NUS1: variants seen among roughly 807,000 people sequenced by gnomAD.
The protein encoded by NUS1 is NUS1 dehydrodolichyl diphosphate synthase subunit.
For synonymous variants in NUS1, 135 were observed against 155.2 expected (o/e 0.87, Z 0.97); for missense variants, 292 against 382.9 (o/e 0.76, Z 1.98).
At chr6:117,693,968 C>G (rs920245948) in intron 2 of NUS1, 63 bp from the exon 3 acceptor site, 61 of 1,538,206 alleles carry the variant, frequency 4.0e-5, no homozygotes, top group Non-Finnish European at 4.3e-5. Flanking sequence ...TTTCTTAAAA[C>G]TGCTTTTGAA....
intron 1 of NUS1, among the ~76,000 whole-genome samples, chr6:117,690,429 A>G (rs985428783): frequency 2.8e-4 from 42 of 152,120 alleles, no homozygotes; most frequent in African/African-American, 7.7e-4. Context: ...ATATATATCT[A>G]TGTCTCAGTT....
rs1297898753 is a variant in NUS1, at chr6:117,710,058, A to G, written c.*3043A>G. 2 of 152,166 alleles carry G rather than the reference A, an allele frequency of 1.3e-5. No individual in the cohort carries two copies. Among genetic ancestry groups the G allele is most frequent in the African/African-American group, 4.8e-5 (2 of 41,466 alleles). 9.4% of individuals were successfully genotyped at this position (152,166 alleles called of 1,614,324 possible). ...ATTGCTGGAGTTGTCAAAATTCCAC[A>G]GTAATTAAAATTTGAATTTTTACCG... On this transcript the variant is annotated 3_prime_UTR_variant, in exon 5 of 5. Coordinates refer to ENST00000368494, the MANE Select transcript of NUS1 (RefSeq NM_138459.5).
chr6:117,703,402 T>C (rs761883911), intron 3 of NUS1, among the ~76,000 whole-genome samples: 1 of 152,136 alleles, frequency 6.6e-6, no homozygotes, highest in South Asian at 2.1e-4. Context: ...ACTTCCACAT[T>C]TGGAATGAGC....
Position 117,703,719 on chromosome 6 carries a change from G to A in NUS1, c.791+15G>A, listed in dbSNP as rs1418340792. On this transcript the variant is annotated intron_variant, in intron 4 of 4. Coordinates refer to ENST00000368494, the MANE Select transcript of NUS1 (RefSeq NM_138459.5). ...ACTGAGATTGTGTAAGTAATTAAAA[G>A]CGTACTGACTTTGTTTAGATTCAGC... 17 of 1,559,484 alleles carry A rather than the reference G, an allele frequency of 1.1e-5. No homozygotes were observed. The highest frequency in any genetic ancestry group is 1.4e-5 in the Non-Finnish European group (16 of 1,130,192).
Position 117,675,887 on chromosome 6 carries a change from C to G in NUS1, c.217C>G (p.Arg73Gly). Reference protein sequence around the residue: ...GRNRRHHRHPRGGSCLAAAHH... With the variant: ...GRNRRHHRHPGGGSCLAAAHH... ...GAACCGCCGTCACCACCGGCACCCG[C>G]GCGGGGGGTCGTGCCTGGCAGCCGC... The change falls in exon 1 of 5, where the codon CGC becomes GGC. Residue 73 changes from arginine to glycine, a missense_variant. Physicochemically the swap from Arg to Gly is moderately radical, Grantham distance 125 (BLOSUM62 -2). Transcript: ENST00000368494. 1 of 1,535,006 alleles carries G rather than the reference C, an allele frequency of 6.5e-7. No homozygotes were observed. The highest frequency in any genetic ancestry group is 8.8e-7 in the Non-Finnish European group (1 of 1,139,844).
At chr6:117,686,378 G>C (rs1389049409) in intron 1 of NUS1, among the ~76,000 whole-genome samples, 2 of 152,092 alleles carry the variant, frequency 1.3e-5, no homozygotes, top group East Asian at 3.8e-4. Flanking sequence ...TAGTTGTATA[G>C]TGGAGTTTAG....
intron 1 of NUS1, among the ~76,000 whole-genome samples, chr6:117,681,879 C>T (rs1050850480): frequency 1.3e-5 from 2 of 152,232 alleles, no homozygotes; most frequent in African/African-American, 4.8e-5. Flanking sequence ...GTCGCCCAGG[C>T]TGGAGTGCAG....
intron 3 of NUS1, among the ~76,000 whole-genome samples, chr6:117,700,412 G>T (rs2114691848): frequency 6.6e-6 from 1 of 152,286 alleles, no homozygotes; most frequent in East Asian, 1.9e-4. Flanking sequence ...CTGATCATTG[G>T]AGAAATACAA....
chr6:117,689,596 T>C (rs1487135790), intron 1 of NUS1, among the ~76,000 whole-genome samples: 2 of 152,078 alleles, frequency 1.3e-5, no homozygotes, highest in African/African-American at 2.4e-5. Flanking sequence ...AGAGTCTTTC[T>C]CTGTTGCTCA....
In NUS1 at chr6:117,675,910, C is replaced by G. The variant is rs1010151368; in HGVS notation, c.240C>G (p.Ala80=). ...CGCGCGGGGGGTCGTGCCTGGCAGC[C>G]GCACACCACCGGATGCGCTGGCGCG... is the stretch of plus-strand genomic sequence containing the variant. ...RHPRGGSCLA[A]AHHRMRWRAD... Residue 80 remains alanine (A), a synonymous_variant, in exon 1 of 5, where the codon GCC becomes GCG. Coordinates refer to ENST00000368494, the MANE Select transcript of NUS1 (RefSeq NM_138459.5). The G allele has an allele frequency of 1.2e-5, 18 of 1,541,570 alleles. No individual in the cohort carries two copies. The African/African-American group carries it at 2.1e-4, about 18-fold the overall frequency.
intron 1 of NUS1, among the ~76,000 whole-genome samples, chr6:117,685,927 A>G (rs141939695): frequency 0.063 from 9,459 of 149,104 alleles, 337 homozygotes; most frequent in African/African-American, 0.091. Flanking sequence ...GCGCCATTGC[A>G]CTCCAGCCTG....
chr6:117,678,388 A>G (rs992092105), intron 1 of NUS1, among the ~76,000 whole-genome samples: 3 of 152,340 alleles, frequency 2.0e-5, no homozygotes, highest in African/African-American at 7.2e-5. Flanking sequence ...TCTTCCAGAC[A>G]TGGGAATGCA....
At chr6:117,700,309 T>G (rs749792977) in intron 3 of NUS1, among the ~76,000 whole-genome samples, 1 of 152,206 alleles carries the variant, frequency 6.6e-6, no homozygotes, top group Non-Finnish European at 1.5e-5. Flanking sequence ...AGATCTAATC[T>G]GATTTTTTAA....
At chr6:117,687,364 T>C (rs1252981327) in intron 1 of NUS1, among the ~76,000 whole-genome samples, 1 of 152,166 alleles carries the variant, frequency 6.6e-6, no homozygotes, top group Non-Finnish European at 1.5e-5. Context: ...GGAAAAGAGA[T>C]GAGTAAGACA....
intron 1 of NUS1, among the ~76,000 whole-genome samples, chr6:117,683,299 C>T (rs1290492522): frequency 3.3e-5 from 5 of 152,166 alleles, no homozygotes; most frequent in Non-Finnish European, 7.3e-5. Flanking sequence ...AATTGTTGTT[C>T]TGTGAGGTGT....
intron 1 of NUS1, among the ~76,000 whole-genome samples, chr6:117,677,362 G>A (rs1178638422): frequency 6.6e-6 from 1 of 152,200 alleles, no homozygotes; most frequent in Admixed American, 6.5e-5. Context: ...GGACCTTGAA[G>A]AATAGGTAGG....
rs1348068245 is a variant in NUS1 at position 117,708,786 on chromosome 6, G to T, written c.*1771G>T. 2 of 152,102 alleles carry T rather than the reference G, an allele frequency of 1.3e-5. No individual in the cohort carries two copies. Among genetic ancestry groups the T allele is most frequent in the African/African-American group, 2.4e-5 (1 of 41,342 alleles). 9.4% of individuals were successfully genotyped at this position (152,102 alleles called of 1,614,324 possible). The stretch of plus-strand genomic sequence containing the variant: ...GCTGAAGACTGAATTTATGCCTTTT[G>T]TAAACATGATAGGTATAAATGTCTT... On this transcript the variant is annotated 3_prime_UTR_variant, in exon 5 of 5. Transcript: ENST00000368494.
intron 3 of NUS1, among the ~76,000 whole-genome samples, chr6:117,703,138 A>G (rs2114693588): frequency 6.6e-6 from 1 of 152,306 alleles, no homozygotes; most frequent in South Asian, 2.1e-4. Flanking sequence ...CTGTAAAATG[A>G]GGTGCATGAG....
chr6:117,696,815 A>C (rs1019651931), intron 3 of NUS1, among the ~76,000 whole-genome samples: 4 of 152,162 alleles, frequency 2.6e-5, no homozygotes, highest in African/African-American at 9.6e-5. Flanking sequence ...TTAATGAGCA[A>C]TAAATCATCT....
Sources: allele counts gnomAD v4.1 joint callset (sites outside exome capture counted in the v4.1 genomes callset), GRCh38; gene constraint gnomAD v4.1.1; transcripts MANE v1.5; gene names NCBI Gene and HGNC (gene_info 2026-07-23, HGNC 2026-07-21).